ABCA13: variants seen among roughly 807,000 people sequenced by gnomAD.
ABCA13 encodes the protein ATP binding cassette subfamily A member 13.
In ABCA13, 476 loss-of-function variants were observed where a neutral mutation model predicts 478.7. The observed-to-expected ratio is 0.99, with a 90% CI of 0.92 to 1.07. The LOEUF is 1.07. Among genes scored for constraint, ABCA13 ranks in the 50% least tolerant of loss-of-function variants. ABCA13 has a pLI of 0.00. For synonymous variants in ABCA13, 2,252 were observed against 2,158.9 expected (o/e 1.04, Z -1.20); for missense variants, 6,060 against 5,910.6 (o/e 1.03, Z -0.83).
chr7:48,626,878 G>C (rs62447354), intron 59 of ABCA13: 1 of 985,146 alleles, frequency 1.0e-6, no homozygotes, highest in Non-Finnish European at 1.2e-6. Flanking sequence ...ACGAGGAAGG[G>C]CTGTTGATAT....
rs984163136 is a variant in ABCA13 at position 48,300,330 on chromosome 7, G to C, written c.9321+1843G>C. The stretch of plus-strand genomic sequence containing the variant: ...ATTCATTTCTTCCTTTATTCACTTA[G>C]GAGGTTTCTGCATGACAGGCATGGT... On this transcript the variant is annotated intron_variant, in intron 23 of 61. Transcript: ENST00000435803. Among the ~76,000 whole-genome samples, 65 of 152,240 alleles carry C rather than the reference G, an allele frequency of 4.3e-4. 2 individuals are homozygous for C. Among genetic ancestry groups the C allele is most frequent in the Non-Finnish European group, 7.3e-5 (5 of 68,046 alleles).
chr7:48,413,313 C>T (rs57758900), intron 41 of ABCA13, among the ~76,000 whole-genome samples: 2,598 of 152,278 alleles, frequency 0.017, 58 homozygotes, highest in African/African-American at 0.058. Flanking sequence ...ACACTGCAGA[C>T]GCCTGGTGAG....
chr7:48,605,147 A>G (rs1791339130), intron 58 of ABCA13, among the ~76,000 whole-genome samples: 1 of 152,094 alleles, frequency 6.6e-6, no homozygotes, highest in Non-Finnish European at 1.5e-5. Flanking sequence ...GGGTCTCCTG[A>G]ATAAAGCACA....
At chr7:48,616,361 G>A (rs562668460) in intron 59 of ABCA13, among the ~76,000 whole-genome samples, 1 of 152,014 alleles carries the variant, frequency 6.6e-6, no homozygotes, top group South Asian at 2.1e-4. Context: ...AACTATTCTC[G>A]GTATGTACTC....
At chr7:48,344,109 T>C (rs1807677128) in intron 29 of ABCA13, among the ~76,000 whole-genome samples, 1 of 152,232 alleles carries the variant, frequency 6.6e-6, no homozygotes, top group Non-Finnish European at 1.5e-5. Context: ...GTAGAAGTTA[T>C]TGTGACTCAG....
intron 42 of ABCA13, among the ~76,000 whole-genome samples, chr7:48,428,623 G>A (rs1563241619): frequency 6.6e-6 from 1 of 152,144 alleles, no homozygotes; most frequent in Non-Finnish European, 1.5e-5. Flanking sequence ...ACCAGCAACT[G>A]TAGGAATTGC....
chr7:48,367,990 C>A, intron 32 of ABCA13, 82 bp downstream of exon 32: 1 of 1,036,208 alleles, frequency 9.7e-7, no homozygotes, highest in Non-Finnish European at 1.4e-6. Context: ...CATAACCAAC[C>A]TGAGCCTCTC....
intron 31 of ABCA13, among the ~76,000 whole-genome samples, 160 bp from the exon 32 acceptor site, chr7:48,367,634 G>A (rs1336614969): frequency 6.6e-6 from 1 of 152,110 alleles, no homozygotes; most frequent in Non-Finnish European, 1.5e-5. Context: ...TACAAAATCA[G>A]CACACCAATC....
At chr7:48,404,160 T>C (rs1310022317) in intron 39 of ABCA13, 1 of 371,254 alleles carries the variant, frequency 2.7e-6, no homozygotes, top group East Asian at 7.1e-5. Flanking sequence ...AAAATTGTCT[T>C]CTTCTGGAAG....
chr7:48,602,154 T>G (rs1238885571), intron 58 of ABCA13, among the ~76,000 whole-genome samples: 2 of 152,194 alleles, frequency 1.3e-5, no homozygotes, highest in Non-Finnish European at 2.9e-5. Flanking sequence ...TTGCAAAAAT[T>G]TTCTCCCATT....
intron 33 of ABCA13, 46 bp from the exon 34 acceptor site, chr7:48,374,301 A>AT: frequency 6.4e-7 from 1 of 1,553,030 alleles, no homozygotes; most frequent in Non-Finnish European, 8.7e-7. Flanking sequence ...CTGTGGTCCC[A>AT]ATCAAAACAC....
intron 29 of ABCA13, 65 bp downstream of exon 29, chr7:48,338,520 C>A (rs186566055): frequency 6.3e-5 from 84 of 1,337,482 alleles, no homozygotes; most frequent in Admixed American, 3.1e-4. Flanking sequence ...TGGGTGGGTC[C>A]TCCCCCTTGG....
At chr7:48,323,696 G>A (rs1468429137) in intron 27 of ABCA13, among the ~76,000 whole-genome samples, 1 of 152,186 alleles carries the variant, frequency 6.6e-6, no homozygotes, top group African/African-American at 2.4e-5. Context: ...ATCAAGTGGT[G>A]GAGCTGGAAT....
intron 58 of ABCA13, among the ~76,000 whole-genome samples, chr7:48,614,767 G>C (rs1430834277): frequency 2.7e-5 from 4 of 149,578 alleles, no homozygotes; most frequent in African/African-American, 4.9e-5. Context: ...TCATCATTCT[G>C]AGTAAACTAT....
chr7:48,447,765 T>A (rs1247039532), intron 42 of ABCA13, among the ~76,000 whole-genome samples: 1 of 152,210 alleles, frequency 6.6e-6, no homozygotes, highest in African/African-American at 2.4e-5. Flanking sequence ...CAGACCTTAC[T>A]GAGCATCTCA....
At chr7:48,565,892 A>G (rs7804139) in intron 55 of ABCA13, among the ~76,000 whole-genome samples, 21,078 of 152,148 alleles carry the variant, frequency 0.14, 1,832 homozygotes, top group African/African-American at 0.23. Flanking sequence ...AGCCTGTGAC[A>G]TTCCTGTTAA....
chr7:48,466,790 A>G (rs1826920451), intron 43 of ABCA13, among the ~76,000 whole-genome samples, 166 bp from the exon 44 acceptor site: 2 of 152,318 alleles, frequency 1.3e-5, no homozygotes, highest in Admixed American at 6.5e-5. Context: ...CTTGTTTGGC[A>G]TTATCATAAA....
intron 1 of ABCA13, among the ~76,000 whole-genome samples, chr7:48,184,748 A>G (rs1321605001): frequency 1.3e-5 from 2 of 152,186 alleles, no homozygotes; most frequent in Non-Finnish European, 2.9e-5. Flanking sequence ...TGAATCTGGG[A>G]GGCGGAGATT....
At chr7:48,299,266 G>T (rs765673018) in intron 23 of ABCA13, among the ~76,000 whole-genome samples, 11 of 152,140 alleles carry the variant, frequency 7.2e-5, no homozygotes, top group Non-Finnish European at 1.5e-4. Context: ...ACCATCAACT[G>T]GGCCCCAACA....
Sources: allele counts gnomAD v4.1 joint callset (sites outside exome capture counted in the v4.1 genomes callset), GRCh38; gene constraint gnomAD v4.1.1; transcripts MANE v1.5; gene names NCBI Gene and HGNC (gene_info 2026-07-23, HGNC 2026-07-21).